The following NTRK2 variants were observed in gnomAD, a reference collection of about 807,000 sequenced individuals.
NTRK2 encodes neurotrophic receptor tyrosine kinase 2, also known as BDNF/NT-3 growth factors receptor.
A neutral mutation model predicts 94.5 loss-of-function variants in NTRK2; 13 were observed. That is an observed-to-expected ratio of 0.14 (90% CI 0.09 to 0.22). The LOEUF is 0.22. NTRK2 is among the 10% of genes least tolerant of loss of function. The pLI, the probability that NTRK2 is intolerant of heterozygous loss-of-function variation, is 1.00. For synonymous variants in NTRK2, 372 were observed against 407.4 expected, an observed-to-expected ratio of 0.91 and a Z score of 1.05; for missense variants, 639 against 1,071.2, an observed-to-expected ratio of 0.60 and a Z score of 5.63.
intron 14 of NTRK2, among the ~76,000 whole-genome samples, chr9:84,907,465 C>T (rs1461857191): frequency 6.6e-6 from 1 of 152,158 alleles, no homozygotes; most frequent in Non-Finnish European, 1.5e-5. Context: ...AATAAGCAAA[C>T]AGAAACGTTC....
chr9:84,874,626 A>G (rs200547575), intron 14 of NTRK2: 76 of 1,061,254 alleles, frequency 7.2e-5, no homozygotes, highest in Admixed American at 1.1e-4. Flanking sequence ...CCAGGAAGGA[A>G]ATGGGGAGAG....
chr9:84,915,533 G>A (rs1422484157), intron 14 of NTRK2, among the ~76,000 whole-genome samples: 1 of 152,128 alleles, frequency 6.6e-6, no homozygotes, highest in Admixed American at 6.6e-5. Flanking sequence ...CCCATGAGTG[G>A]AAGCAATCTG....
intron 12 of NTRK2, among the ~76,000 whole-genome samples, chr9:84,791,514 G>A (rs1248106417): frequency 2.6e-5 from 4 of 152,144 alleles, no homozygotes; most frequent in African/African-American, 9.7e-5. Context: ...TCTCCTAGAT[G>A]TGGGCACAAG....
chr9:84,966,633 G>C (rs915838456), intron 17 of NTRK2, among the ~76,000 whole-genome samples: 1 of 152,012 alleles, frequency 6.6e-6, no homozygotes, highest in African/African-American at 2.4e-5. Flanking sequence ...GGGTTTCACT[G>C]TGCTGGCCAG....
chr9:84,990,242 A>G (rs1170903734), intron 17 of NTRK2, among the ~76,000 whole-genome samples: 1 of 152,212 alleles, frequency 6.6e-6, no homozygotes, highest in Non-Finnish European at 1.5e-5. Context: ...AAATGAAATG[A>G]ATGAAAGATT....
Position 84,847,376 on chromosome 9 carries a change from G to A in NTRK2, c.1397-13664G>A, listed in dbSNP as rs187370411. The stretch of plus-strand genomic sequence containing the variant: ...AGTTGCAAATGGTTTGAACAATAGT[G>A]GAGATTTATTGTTTCACATAAATAT... On this transcript the variant is annotated intron_variant, in intron 12 of 18. Coordinates refer to ENST00000277120, the MANE Select transcript of NTRK2 (RefSeq NM_006180.6). 2.8e-4 allele frequency among the ~76,000 whole-genome samples: 42 copies of A among 152,286 alleles called. No homozygotes were observed. The East Asian group carries it at 7.5e-3, about 27-fold the overall frequency.
chr9:84,963,375 A>G (rs1266917316), intron 17 of NTRK2, among the ~76,000 whole-genome samples: 1 of 152,258 alleles, frequency 6.6e-6, no homozygotes, highest in Admixed American at 6.5e-5. Flanking sequence ...ATTATCTGTC[A>G]CATTGACCTT....
At position 84,955,429 on chromosome 9, in the gene NTRK2, C is replaced by G. The variant is rs2132977162; in HGVS notation, c.2084C>G (p.Thr695Ser). The G allele has an allele frequency of 6.2e-7, 1 of 1,614,258 alleles. No homozygotes were observed. Among genetic ancestry groups the G allele is most frequent in the Non-Finnish European group, 8.5e-7 (1 of 1,180,052 alleles). ...SQHFVHRDLA[T>S]RNCLVGENLL... The stretch of plus-strand genomic sequence containing the variant: ...CACTTCGTGCACCGCGATTTGGCCA[C>G]CAGGAACTGCCTGGTCGGGGAGAAC... Residue 695 changes from threonine (T) to serine (S), a missense_variant, in exon 17 of 19, where the codon ACC becomes AGC. Coordinates refer to ENST00000277120, the MANE Select transcript of NTRK2 (RefSeq NM_006180.6).
intron 17 of NTRK2, among the ~76,000 whole-genome samples, chr9:84,988,402 T>C (rs1215001149): frequency 6.6e-6 from 1 of 152,080 alleles, no homozygotes; most frequent in Non-Finnish European, 1.5e-5. Context: ...TGAATCAGGA[T>C]CACCCTGGGA....
intron 12 of NTRK2, among the ~76,000 whole-genome samples, chr9:84,820,846 C>G (rs2072767300): frequency 6.6e-6 from 1 of 152,220 alleles, no homozygotes; most frequent in Non-Finnish European, 1.5e-5. Context: ...GATACTATCA[C>G]TGCCCATAAT....
In NTRK2 at chr9:84,881,180, C is replaced by T. The variant is rs574678491; in HGVS notation, c.1633+13749C>T. Among the ~76,000 whole-genome samples the T allele has an allele frequency of 1.3e-4, 20 of 152,228 alleles. No individual in the cohort carries two copies. In the South Asian group the frequency reaches 2.7e-3, roughly 21 times the overall value. ...GTTATGTATGTTTCTGCATGAATCT[C>T]GAAATATTTGCCAGTATGGAAAATT... On this transcript the variant is annotated intron_variant, in intron 14 of 18. Transcript: ENST00000277120.
chr9:84,874,335 C>A, intron 14 of NTRK2: 7 of 1,065,176 alleles, frequency 6.6e-6, no homozygotes, highest in Non-Finnish European at 6.8e-6. Context: ...GAGGCTCAAT[C>A]CTTTACGGCA....
intron 17 of NTRK2, among the ~76,000 whole-genome samples, chr9:85,013,613 T>TAATA (rs1006591230): frequency 7.9e-5 from 12 of 152,264 alleles, no homozygotes; most frequent in East Asian, 1.9e-4. Flanking sequence ...ATATAACATG[T>TAATA]AATAAATAAA....
intron 17 of NTRK2, among the ~76,000 whole-genome samples, chr9:84,993,571 CAG>C (rs1228917997): frequency 3.3e-5 from 5 of 152,248 alleles, no homozygotes; most frequent in African/African-American, 1.2e-4. Context: ...GCACAGCAGC[CAG>C]AGTGTCCTTT....
intron 17 of NTRK2, among the ~76,000 whole-genome samples, chr9:84,985,339 A>G (rs1222407947): frequency 6.6e-6 from 1 of 152,204 alleles, no homozygotes; most frequent in African/African-American, 2.4e-5. Flanking sequence ...AGCCTTACTA[A>G]GGGCAAACTC....
intron 12 of NTRK2, chr9:84,811,411 T>TA: frequency 9.4e-7 from 1 of 1,064,150 alleles, no homozygotes; most frequent in Non-Finnish European, 1.1e-6. Context: ...TCAGAATAAC[T>TA]AAGAGTGGAA....
At chr9:84,746,126 G>A (rs752854327) in intron 11 of NTRK2, among the ~76,000 whole-genome samples, 11 of 152,140 alleles carry the variant, frequency 7.2e-5, no homozygotes, top group Non-Finnish European at 1.2e-4. Flanking sequence ...CTCACCACCT[G>A]TTTTTGTATG....
At chr9:84,782,674 C>T (rs531179202) in intron 12 of NTRK2, among the ~76,000 whole-genome samples, 1 of 152,204 alleles carries the variant, frequency 6.6e-6, no homozygotes, top group African/African-American at 2.4e-5. Context: ...CTGATAAATA[C>T]CATTGTACTT....
intron 12 of NTRK2, among the ~76,000 whole-genome samples, chr9:84,797,647 AATAATATATAT>A (rs367696142): frequency 0.086 from 4,612 of 53,604 alleles, 410 homozygotes; most frequent in Middle Eastern, 0.17. Context: ...TATATACTAT[AATAATATATAT>A]ATTATATATT....
Sources: gnomAD v4.1 joint callset for allele counts (sites outside exome capture counted in the v4.1 genomes callset) on GRCh38, gnomAD v4.1.1 for gene constraint, MANE v1.5 for transcripts, NCBI Gene and HGNC (gene_info 2026-07-23, HGNC 2026-07-21) for gene names.